The following GGT1 variants were observed in gnomAD, a reference collection of about 807,000 sequenced individuals.
GGT1 encodes the protein gamma-glutamyltransferase 1.
A neutral mutation model predicts 56.0 loss-of-function variants in GGT1; 21 were observed. That is an observed-to-expected ratio of 0.38 (90% CI 0.27 to 0.54). GGT1 has a LOEUF of 0.54. Ranked by LOEUF, GGT1 falls within the 20% of genes least tolerant of loss-of-function variation. GGT1 has a pLI of 0.82. For synonymous variants in GGT1, 238 were observed against 342.6 expected, an observed-to-expected ratio of 0.69 and a Z score of 3.37; for missense variants, 466 against 787.0, an observed-to-expected ratio of 0.59 and a Z score of 4.88.
chr22:24,592,042 C>A (rs565126561), upstream of GGT1, among the ~76,000 whole-genome samples: 5 of 152,302 alleles, frequency 3.3e-5, no homozygotes, highest in African/African-American at 9.6e-5. Flanking sequence ...TCTAATCTAC[C>A]TTCTGCAGGC....
At chr22:24,626,306 G>A (rs534037143) in intron 11 of GGT1, among the ~76,000 whole-genome samples, 2,616 of 136,530 alleles carry the variant, frequency 0.019, 133 homozygotes, top group African/African-American at 0.073. Context: ...GAGCCACCGC[G>A]CCCGGTGTTG....
chr22:24,589,462 T>A, the GGT1 span: 1 of 744,546 alleles, frequency 1.3e-6, no homozygotes, highest in Non-Finnish European at 1.7e-6. Context: ...GGCTAGGAGT[T>A]TGTTTCCGTT....
Position 24,620,292 on chromosome 22 carries a change from C to G in GGT1, c.383-36C>G, listed in dbSNP as rs1442414882. ...GCCTGCGAGAGATCCCGATGTCCCC[C>G]ACTCAGGGTCACTAACTATGGCTCT... is the stretch of plus-strand genomic sequence containing the variant. On this transcript the variant is annotated intron_variant, in intron 7 of 15. Transcript: ENST00000400382. This position sits in a 1 kb window ranked among gnomAD's most constrained non-coding sequence, Gnocchi z 5.6. 3.7e-6 allele frequency: 6 copies of G among 1,606,858 alleles called. No homozygotes were observed. In the South Asian group the frequency reaches 4.4e-5, roughly 12 times the overall value.
chr22:24,625,780 C>T (rs1177148579), intron 11 of GGT1, among the ~76,000 whole-genome samples: 9 of 150,990 alleles, frequency 6.0e-5, no homozygotes, highest in African/African-American at 4.9e-5. Context: ...CCGCCTGCCT[C>T]GGCCTCCCAA....
chr22:24,623,225 C>T lies in GGT1; in HGVS notation c.852C>T (p.Pro284=), dbSNP rs749302162. The T allele has an allele frequency of 8.2e-6, 13 of 1,593,406 alleles. No individual in the cohort carries two copies. The Admixed American group carries it at 1.6e-4, about 19-fold the overall frequency. ...LYMPSAPLSG[P]VLALILNILK... ...TGCCCAGTGCGCCGCTCAGCGGGCC[C>T]GTGCTGGCCCTCATCCTCAACATCC... is the stretch of plus-strand genomic sequence containing the variant. The change falls in exon 10 of 16, where the codon CCC becomes CCT. Residue 284 remains proline (P), a synonymous_variant. Coordinates refer to ENST00000400382, the MANE Select transcript of GGT1 (RefSeq NM_001288833.2).
chr22:24,624,447 C>G, intron 11 of GGT1: 3 of 982,328 alleles, frequency 3.1e-6, no homozygotes, highest in Non-Finnish European at 3.6e-6. Context: ...TACTTGGGTC[C>G]TTGGCATTCC....
chr22:24,594,435 T>C (rs2147184381), upstream of GGT1, among the ~76,000 whole-genome samples: 1 of 144,776 alleles, frequency 6.9e-6, no homozygotes, highest in East Asian at 2.2e-4. Flanking sequence ...GTCTGCTAAT[T>C]ACCCTATGAA....
Position 24,627,610 on chromosome 22 carries a change from T to G in GGT1, c.1199T>G (p.Ile400Ser). The G allele has an allele frequency of 6.2e-7, 1 of 1,604,468 alleles. No individual in the cohort carries two copies. The highest frequency in any genetic ancestry group is 8.5e-7 in the Non-Finnish European group (1 of 1,176,632). ...AGTGCTGTGTCCGCCACCAGCACCA[T>G]CAACCTCTAGTAGGGGCTGCTGGGC... Reference protein sequence around the residue: ...DGSAVSATSTINLYFGSKVRS... With the variant: ...DGSAVSATSTSNLYFGSKVRS... The change falls in exon 12 of 16, where the codon ATC becomes AGC. Residue 400 changes from isoleucine to serine, a missense_variant. Ile to Ser is a moderately radical substitution (Grantham distance 142). Around this residue, in one of 2 missense-constraint regions of GGT1, gnomAD observed 456 missense variants for 716.7 expected, o/e 0.64. Transcript: ENST00000400382.
At chr22:24,601,594 G>A (rs1452107698), upstream of GGT1, among the ~76,000 whole-genome samples, 1 of 152,248 alleles carries the variant, frequency 6.6e-6, no homozygotes, top group East Asian at 1.9e-4. Flanking sequence ...AAACAGACTG[G>A]GCTTTGGAGG....
rs1336118679 is a variant in GGT1 at position 24,624,169 on chromosome 22, C to T, written c.1020+253C>T. The stretch of plus-strand genomic sequence containing the variant: ...CAGGTCCTTTGCACATGCTGTGGTT[C>T]TCGAGTGCTCAGTGCTGAGATGAGG... On this transcript the variant is annotated intron_variant, in intron 11 of 15. Transcript: ENST00000400382. 4.1e-6 allele frequency: 4 copies of T among 985,354 alleles called. No homozygotes were observed. The African/African-American group carries it at 7.0e-5, about 17-fold the overall frequency. The allele number at this position is 985,354 out of a possible 1,614,324, so 61.0% of individuals were successfully genotyped here. A position where few individuals can be genotyped will look rare whatever the true frequency, so the allele number is the denominator to read the frequency against.
intron 7 of GGT1, among the ~76,000 whole-genome samples, chr22:24,619,671 C>A (rs397843138): frequency 2.0e-5 from 3 of 151,426 alleles, no homozygotes; most frequent in Non-Finnish European, 2.9e-5. Flanking sequence ...TCTCTGGGGC[C>A]GTAGAAAAGA....
chr22:24,605,933 T>C lies in GGT1; in HGVS notation c.-428-2021T>C, dbSNP rs796296696. Among the ~76,000 whole-genome samples the C allele has an allele frequency of 1.2e-4, 11 of 90,248 alleles. 2 individuals carry two copies. Among genetic ancestry groups the C allele is most frequent in the Non-Finnish European group, 2.2e-4 (11 of 51,056 alleles). 59.2% of individuals were successfully genotyped at this position (90,248 alleles called of 152,430 possible). The stretch of plus-strand genomic sequence containing the variant: ...ATTATATGATGTGTATTATATATTA[T>C]ATATAATATATAATATTATATATAA... On this transcript the variant is annotated intron_variant, in intron 1 of 15. Coordinates refer to ENST00000400382, the MANE Select transcript of GGT1 (RefSeq NM_001288833.2).
chr22:24,617,267 T>A (rs1482431408), intron 7 of GGT1, among the ~76,000 whole-genome samples: 2 of 152,198 alleles, frequency 1.3e-5, no homozygotes, highest in Admixed American at 6.5e-5. Context: ...CAGAGCCCTG[T>A]GGGGAGCTGG....
intron 7 of GGT1, among the ~76,000 whole-genome samples, chr22:24,617,683 C>A (rs1477554384): frequency 1.3e-5 from 2 of 151,958 alleles, no homozygotes; most frequent in Non-Finnish European, 2.9e-5. Flanking sequence ...TGAGCAGACA[C>A]TCAGGAGCTC....
Position 24,625,726 on chromosome 22 carries a change from A to G in GGT1, c.1021-1706A>G, listed in dbSNP as rs1275309279. Among the ~76,000 whole-genome samples the G allele has an allele frequency of 5.9e-5, 9 of 151,686 alleles. No individual in the cohort carries two copies. The South Asian group carries it at 1.0e-3, about 18-fold the overall frequency. Reference sequence around the variant, plus strand: ...CCAGCTAATTTTTTGTATTTTTAGTAGAGAGGGGGTTTCACCGTGATCGCG... The same window carrying G: ...CCAGCTAATTTTTTGTATTTTTAGTGGAGAGGGGGTTTCACCGTGATCGCG... On this transcript the variant is annotated intron_variant, in intron 11 of 15. Coordinates refer to ENST00000400382, the MANE Select transcript of GGT1 (RefSeq NM_001288833.2).
the GGT1 span, among the ~76,000 whole-genome samples, chr22:24,587,340 C>A: frequency 6.6e-6 from 1 of 152,098 alleles, no homozygotes; most frequent in Non-Finnish European, 1.5e-5. Context: ...TGAGAAGGAC[C>A]CCCGCCCCCA....
chr22:24,598,111 C>T (rs1288582923), intron 1 of GGT1: 1 of 152,190 alleles, frequency 6.6e-6, no homozygotes, highest in East Asian at 1.9e-4. Flanking sequence ...ACTTTATCAT[C>T]CCTTAAAGTC....
intron 1 of GGT1, among the ~76,000 whole-genome samples, chr22:24,605,201 A>G (rs2046016452): frequency 1.5e-5 from 1 of 64,704 alleles, no homozygotes; most frequent in Non-Finnish European, 2.5e-5. Flanking sequence ...AATATATAAT[A>G]TGTATTATAT....
intron 1 of GGT1, among the ~76,000 whole-genome samples, chr22:24,607,401 AG>A (rs1409299702): frequency 6.6e-6 from 1 of 152,202 alleles, no homozygotes; most frequent in Non-Finnish European, 1.5e-5. Context: ...GGAGAGCCAG[AG>A]GGAACCAGCC....
Sources: gnomAD v4.1 joint callset for allele counts (sites outside exome capture counted in the v4.1 genomes callset) on GRCh38, gnomAD v4.1.1 for gene constraint, gnomAD v4.1.1 regional missense constraint, Gnocchi (gnomAD v3.1) non-coding constraint, MANE v1.5 for transcripts, NCBI Gene and HGNC (gene_info 2026-07-23, HGNC 2026-07-21) for gene names.